The following TUSC3 variants were observed in gnomAD, a reference collection of about 807,000 sequenced individuals.
TUSC3 encodes dolichyl-diphosphooligosaccharide--protein glycosyltransferase subunit TUSC3.
In TUSC3, 45 loss-of-function variants were observed where a neutral mutation model predicts 44.8. The ratio of observed to expected loss-of-function variants is 1.00; its 90% CI spans 0.79 to 1.29. The LOEUF is 1.29. Ranked by LOEUF, TUSC3 falls within the 50% of genes most tolerant of loss-of-function variation. TUSC3 has a pLI of 0.00. For missense variants in TUSC3, 519 were observed against 437.9 expected, an observed-to-expected ratio of 1.19 and a Z score of -1.65; for synonymous variants, 212 against 152.9, an observed-to-expected ratio of 1.39 and a Z score of -2.85.
downstream of TUSC3, among the ~76,000 whole-genome samples, chr8:15,770,431 T>C (rs142563338): frequency 9.3e-3 from 1,417 of 152,010 alleles, 60 homozygotes; most frequent in Admixed American, 0.072. Context: ...TGGGGAGAGA[T>C]AGCATTAGGA....
intron 2 of TUSC3, among the ~76,000 whole-genome samples, chr8:15,512,043 C>A (rs558598581): frequency 2.0e-5 from 3 of 152,192 alleles, no homozygotes; most frequent in South Asian, 2.1e-4. Flanking sequence ...ATGCAAAGAA[C>A]CTAGAAGATC....
chr8:15,529,445 A>C (rs1217691088), intron 2 of TUSC3, among the ~76,000 whole-genome samples: 1 of 152,190 alleles, frequency 6.6e-6, no homozygotes, highest in Non-Finnish European at 1.5e-5. Context: ...TGTTGATTAC[A>C]TAGACATAGC....
chr8:15,800,203 A>G, the TUSC3 span, among the ~76,000 whole-genome samples: 3 of 152,332 alleles, frequency 2.0e-5, no homozygotes, highest in Middle Eastern at 3.4e-3. Context: ...AGAAACTTAC[A>G]TAAAAGATTC....
At chr8:15,503,161 G>C (rs1325413399) in intron 2 of TUSC3, among the ~76,000 whole-genome samples, 1 of 152,116 alleles carries the variant, frequency 6.6e-6, no homozygotes, top group Admixed American at 6.5e-5. Context: ...ATATTAAAAT[G>C]AGATTATTAC....
chr8:15,794,052 C>A, the TUSC3 span, among the ~76,000 whole-genome samples: 1 of 152,142 alleles, frequency 6.6e-6, no homozygotes, highest in African/African-American at 2.4e-5. Context: ...CCTGCCATAT[C>A]CTGATGCTTT....
chr8:15,813,548 A>G, the TUSC3 span, among the ~76,000 whole-genome samples: 3 of 152,214 alleles, frequency 2.0e-5, no homozygotes, highest in African/African-American at 7.2e-5. Flanking sequence ...CAATGGGAAG[A>G]TACTGTAAAT....
At chr8:15,773,484 C>T in the TUSC3 span, among the ~76,000 whole-genome samples, 18 of 152,226 alleles carry the variant, frequency 1.2e-4, no homozygotes, top group East Asian at 3.1e-3. Context: ...CAAGTTCATA[C>T]GTTGAAAAAC....
chr8:15,564,048 C>T (rs182535608), intron 1 of TUSC3, among the ~76,000 whole-genome samples: 2 of 152,094 alleles, frequency 1.3e-5, no homozygotes, highest in Non-Finnish European at 2.9e-5. Context: ...TTCCCTCTTC[C>T]TCTCCATTAT....
intron 2 of TUSC3, among the ~76,000 whole-genome samples, chr8:15,487,442 C>G (rs1044431868): frequency 5.9e-5 from 9 of 152,186 alleles, no homozygotes; most frequent in Admixed American, 4.6e-4. Context: ...CAGTCACTGA[C>G]AGTGGCCAAA....
rs1278099573 is a variant in TUSC3, at chr8:15,663,636, A to C, written c.708+1340A>C. ...ATTAGATGTTTGGCCTTTTAAGAGC[A>C]AGGAAGATAAGATTTTTTTAAAGAA... On this transcript the variant is annotated intron_variant, in intron 5 of 10. Coordinates refer to ENST00000503731, the MANE Select transcript of TUSC3 (RefSeq NM_006765.4). Among the ~76,000 whole-genome samples, 5 of 152,052 alleles carry C rather than the reference A, an allele frequency of 3.3e-5. No homozygotes were observed. In the South Asian group the frequency reaches 6.2e-4, roughly 19 times the overall value.
chr8:15,799,925 A>G, the TUSC3 span, among the ~76,000 whole-genome samples: 1 of 152,196 alleles, frequency 6.6e-6, no homozygotes, highest in Non-Finnish European at 1.5e-5. Flanking sequence ...CTGAGCTCCA[A>G]GTCCCACAGG....
chr8:15,720,227 CACACACAG>C (rs1425860785), intron 6 of TUSC3, among the ~76,000 whole-genome samples: 53 of 150,208 alleles, frequency 3.5e-4, no homozygotes, highest in African/African-American at 8.7e-4. Context: ...CACACACACA[CACACACAG>C]AGAGAACATT....
the TUSC3 span, among the ~76,000 whole-genome samples, chr8:15,823,735 T>C: frequency 6.6e-6 from 1 of 152,188 alleles, no homozygotes; most frequent in Non-Finnish European, 1.5e-5. Flanking sequence ...GGAACTAAAA[T>C]ATCAGTGTTG....
chr8:15,846,508 C>G, the TUSC3 span, among the ~76,000 whole-genome samples: 3 of 152,036 alleles, frequency 2.0e-5, no homozygotes, highest in Non-Finnish European at 4.4e-5. Flanking sequence ...AAATATACAC[C>G]AAGGAATACT....
Position 15,543,839 on chromosome 8 carries a change from C to T in TUSC3, c.138+3271C>T, listed in dbSNP as rs191300891. 1.1e-3 allele frequency among the ~76,000 whole-genome samples: 171 copies of T among 149,276 alleles called. 2 individuals are homozygous for T. Among genetic ancestry groups the T allele is most frequent in the African/African-American group, 4.0e-3 (163 of 40,580 alleles). On this transcript the variant is annotated intron_variant, in intron 1 of 10. Transcript: ENST00000503731. ...CATGAAACACCGAGAATTCCAAATT[C>T]TCTTACGTTGTTTGAAAATTTCCCA...
intron 2 of TUSC3, among the ~76,000 whole-genome samples, chr8:15,488,206 C>T (rs1800759088): frequency 1.3e-5 from 2 of 151,960 alleles, no homozygotes; most frequent in African/African-American, 4.8e-5. Context: ...ACTTATTTAT[C>T]TCTAAAGTGT....
chr8:15,806,801 A>G, the TUSC3 span: 2 of 849,456 alleles, frequency 2.4e-6, no homozygotes, highest in East Asian at 4.9e-5. Flanking sequence ...CGGATTTGCA[A>G]TTTGTGAAGA....
At chr8:15,455,792 G>C (rs35117855) in intron 1 of TUSC3, among the ~76,000 whole-genome samples, 144,420 of 152,252 alleles carry the variant, frequency 0.95, 68,599 homozygotes, top group Non-Finnish European at 0.97. Flanking sequence ...AGATACTTAC[G>C]TTTTAAATGA....
chr8:15,779,469 TGAA>T, the TUSC3 span, among the ~76,000 whole-genome samples: 2 of 143,944 alleles, frequency 1.4e-5, no homozygotes, highest in African/African-American at 5.1e-5. Context: ...GTACAAAAGC[TGAA>T]GGAGTATTGA....
Sources: allele counts gnomAD v4.1 joint callset (sites outside exome capture counted in the v4.1 genomes callset), GRCh38; gene constraint gnomAD v4.1.1; transcripts MANE v1.5; gene names NCBI Gene and HGNC (gene_info 2026-07-23, HGNC 2026-07-21).